Variants in METTL14 observed in about 807,000 individuals in gnomAD.
METTL14 encodes N(6)-adenosine-methyltransferase non-catalytic subunit METTL14.
A neutral mutation model predicts 62.4 loss-of-function variants in METTL14; 32 were observed. That is an observed-to-expected ratio of 0.51 (90% CI 0.39 to 0.69). METTL14 has a LOEUF of 0.69. Ranked by LOEUF, METTL14 falls within the 30% of genes least tolerant of loss-of-function variation. The pLI, the probability that METTL14 is intolerant of heterozygous loss-of-function variation, is 0.00. For synonymous variants in METTL14, 150 were observed against 180.0 expected (o/e 0.83, Z 1.34); for missense variants, 340 against 551.9 (o/e 0.62, Z 3.85).
Position 118,689,471 on chromosome 4 carries a change from G to A in METTL14, c.243+14G>A. Reference sequence around the variant, plus strand: ...GAAGAATATAAGGCAAGTAGAGAGTGAAATAAGTTTATGGTCAAAGAAAAC... The same window carrying A: ...GAAGAATATAAGGCAAGTAGAGAGTAAAATAAGTTTATGGTCAAAGAAAAC... On this transcript the variant is annotated intron_variant, in intron 3 of 10. Transcript: ENST00000388822. 7.0e-7 allele frequency: 1 copy of A among 1,429,692 alleles called. No homozygotes were observed. Among genetic ancestry groups the A allele is most frequent in the Non-Finnish European group, 9.7e-7 (1 of 1,029,666 alleles). 88.6% of individuals were successfully genotyped at this position (1,429,692 alleles called of 1,614,324 possible). A position where few individuals can be genotyped will look rare whatever the true frequency, so the allele number is the denominator to read the frequency against.
At chr4:118,693,043 T>C (rs1724301499) in intron 5 of METTL14, among the ~76,000 whole-genome samples, 1 of 152,216 alleles carries the variant, frequency 6.6e-6, no homozygotes, top group African/African-American at 2.4e-5. Flanking sequence ...CTATTGTATA[T>C]GTTTACCTTT....
Position 118,710,513 on chromosome 4 carries a change from T to C in METTL14, c.*211T>C. ...ATAAATGAATGATTCTGCCTTTTGT[T>C]ATGTGCGTGAACAGAATGGAACAAC... On this transcript the variant is annotated 3_prime_UTR_variant, in exon 11 of 11. Coordinates refer to ENST00000388822, the MANE Select transcript of METTL14 (RefSeq NM_020961.4). 1.8e-6 allele frequency: 1 copy of C among 541,196 alleles called. No individual in the cohort carries two copies. The highest frequency in any genetic ancestry group is 3.1e-5 in the East Asian group (1 of 32,024). The allele number at this position is 541,196 out of a possible 1,614,324, so 33.5% of individuals were successfully genotyped here. A position where few individuals can be genotyped will look rare whatever the true frequency, so the allele number is the denominator to read the frequency against.
chr4:118,693,702 A>G (rs1285442422), intron 5 of METTL14, among the ~76,000 whole-genome samples: 1 of 152,182 alleles, frequency 6.6e-6, no homozygotes, highest in Non-Finnish European at 1.5e-5. Context: ...CCCAAGGCAA[A>G]GAAAACATAC....
At chr4:118,707,926 C>G (rs185311798) in intron 10 of METTL14, among the ~76,000 whole-genome samples, 7 of 151,720 alleles carry the variant, frequency 4.6e-5, no homozygotes, top group African/African-American at 1.7e-4. Flanking sequence ...CCCCGCCTCC[C>G]AGGTTCAAGT....
chr4:118,714,270 C>A lies in METTL14; in HGVS notation c.*3968C>A, dbSNP rs1009953791. ...GTGCTTTTTCTCACTTTGATGAGTTCTCTCAACTCCTTTCTAAGAAAAGCA... is the reference window on the plus strand; with the variant it reads ...GTGCTTTTTCTCACTTTGATGAGTTATCTCAACTCCTTTCTAAGAAAAGCA... On this transcript the variant is annotated 3_prime_UTR_variant, in exon 11 of 11. Coordinates refer to ENST00000388822, the MANE Select transcript of METTL14 (RefSeq NM_020961.4). The A allele has an allele frequency of 9.8e-5, 15 of 152,322 alleles. No individual in the cohort carries two copies. Among genetic ancestry groups the A allele is most frequent in the African/African-American group, 3.4e-4 (14 of 41,580 alleles). The allele number at this position is 152,322 out of a possible 1,614,324, so 9.4% of individuals were successfully genotyped here. A position where few individuals can be genotyped will look rare whatever the true frequency, so the allele number is the denominator to read the frequency against.
In METTL14 at chr4:118,711,184, T is replaced by C. The variant is rs2110413047; in HGVS notation, c.*882T>C. 1.3e-5 allele frequency: 2 copies of C among 152,364 alleles called. No individual in the cohort carries two copies. Among genetic ancestry groups the C allele is most frequent in the Middle Eastern group, 6.8e-3 (2 of 294 alleles). The allele number at this position is 152,364 out of a possible 1,614,324, so 9.4% of individuals were successfully genotyped here. A position where few individuals can be genotyped will look rare whatever the true frequency, so the allele number is the denominator to read the frequency against. On this transcript the variant is annotated 3_prime_UTR_variant, in exon 11 of 11. Transcript: ENST00000388822. ...ATGACATACACCTTTAAACTTGTTA[T>C]GGAGATAGTTTAATGTAAAACCAAC...
intron 5 of METTL14, among the ~76,000 whole-genome samples, chr4:118,693,968 C>G (rs1248851245): frequency 6.6e-6 from 1 of 151,580 alleles, no homozygotes; most frequent in Non-Finnish European, 1.5e-5. Flanking sequence ...AAATGTGCTT[C>G]CTGTTTGGGA....
chr4:118,693,137 C>T (rs998096893), intron 5 of METTL14, among the ~76,000 whole-genome samples: 3 of 152,298 alleles, frequency 2.0e-5, no homozygotes, highest in Non-Finnish European at 4.4e-5. Context: ...AATTTCTTCA[C>T]ATCTTTGGCA....
Position 118,713,127 on chromosome 4 carries a change from G to T in METTL14, c.*2825G>T, listed in dbSNP as rs779821265. On this transcript the variant is annotated 3_prime_UTR_variant, in exon 11 of 11. Transcript: ENST00000388822. ...AGTGTGGCATGGCAACCAACTCACA[G>T]ATCCAGAGTTGAGAGGGATCACTAC... The T allele has an allele frequency of 3.3e-5, 5 of 152,170 alleles. No individual in the cohort carries two copies. Among genetic ancestry groups the T allele is most frequent in the Non-Finnish European group, 5.9e-5 (4 of 68,062 alleles). The allele number at this position is 152,170 out of a possible 1,614,324, so 9.4% of individuals were successfully genotyped here. A position where few individuals can be genotyped will look rare whatever the true frequency, so the allele number is the denominator to read the frequency against.
At position 118,704,011 on chromosome 4, in the gene METTL14, C is replaced by A; in HGVS notation, c.815C>A (p.Thr272Asn). ...IKTNKNNPGK[T>N]KTLDPKAVFQ... ...ACCAATAAAAACAATCCTGGGAAGACTAAGACTTTAGATCCAAAGGCTGTC... is the reference window on the plus strand; with the variant it reads ...ACCAATAAAAACAATCCTGGGAAGAATAAGACTTTAGATCCAAAGGCTGTC... Residue 272 changes from threonine (T) to asparagine (N), a missense_variant, in exon 9 of 11, where the codon ACT (threonine) becomes AAT (asparagine). Coordinates refer to ENST00000388822, the MANE Select transcript of METTL14 (RefSeq NM_020961.4). The A allele has an allele frequency of 6.3e-7, 1 of 1,593,600 alleles. No individual in the cohort carries two copies. Among genetic ancestry groups the A allele is most frequent in the Admixed American group, 1.9e-5 (1 of 53,882 alleles).
chr4:118,694,776 T>C (rs1306010685), intron 6 of METTL14, among the ~76,000 whole-genome samples: 1 of 152,120 alleles, frequency 6.6e-6, no homozygotes, highest in African/African-American at 2.4e-5. Flanking sequence ...CAGCCATCAC[T>C]CCTGGCTCTA....
At chr4:118,703,115 C>T (rs1724653073) in intron 8 of METTL14, among the ~76,000 whole-genome samples, 1 of 152,000 alleles carries the variant, frequency 6.6e-6, no homozygotes, top group Non-Finnish European at 1.5e-5. Context: ...CCCCTAGCCC[C>T]CAACCTGCCT....
intron 3 of METTL14, 154 bp downstream of exon 3, chr4:118,689,611 C>T (rs1466250415): frequency 2.3e-6 from 1 of 444,230 alleles, no homozygotes; most frequent in East Asian, 3.9e-5. Flanking sequence ...ACATTAAGAC[C>T]ATTATATCAG....
chr4:118,699,029 G>A (rs1171582077), intron 7 of METTL14, among the ~76,000 whole-genome samples: 1 of 152,138 alleles, frequency 6.6e-6, no homozygotes, highest in Non-Finnish European at 1.5e-5. Flanking sequence ...AACCAGGAGA[G>A]TATGAATGTA....
intron 10 of METTL14, among the ~76,000 whole-genome samples, chr4:118,706,327 C>T (rs576838252): frequency 6.6e-6 from 1 of 152,332 alleles, no homozygotes; most frequent in South Asian, 2.1e-4. Flanking sequence ...CAGAATGTTA[C>T]ATAGTTGGAA....
At position 118,688,027 on chromosome 4, in the gene METTL14, C is replaced by CTT. The variant is rs746420947; in HGVS notation, c.155+32_155+33dup. 8,399 of 1,284,916 alleles carry CTT rather than the reference C, an allele frequency of 6.5e-3. 2 individuals carry two copies. Among genetic ancestry groups the CTT allele is most frequent in the Non-Finnish European group, 7.1e-3 (6,653 of 932,916 alleles). The allele number at this position is 1,284,916 out of a possible 1,614,324, so 79.6% of individuals were successfully genotyped here. On this transcript the variant is annotated intron_variant, in intron 2 of 10. Coordinates refer to ENST00000388822, the MANE Select transcript of METTL14 (RefSeq NM_020961.4). ...AAACTTGCAGGTCAGTCAGATAATT[C>CTT]TTTTTTTTTTTTTTTTTGAGACAGG...
chr4:118,698,694 A>G (rs1387519293), intron 7 of METTL14, among the ~76,000 whole-genome samples: 1 of 152,138 alleles, frequency 6.6e-6, no homozygotes, highest in Admixed American at 6.6e-5. Context: ...TTGAATTATC[A>G]CCAACTGAGA....
intron 7 of METTL14, 145 bp downstream of exon 7, chr4:118,697,468 T>G: frequency 1.4e-6 from 1 of 700,930 alleles, no homozygotes; most frequent in East Asian, 3.0e-5. Context: ...TAGCTGAAGG[T>G]CCAAGGTACA....
Position 118,696,117 on chromosome 4 carries a change from C to CAAAA in METTL14, c.504-1040_504-1037dup, listed in dbSNP as rs70941201. On this transcript the variant is annotated intron_variant, in intron 6 of 10. Transcript: ENST00000388822. ...CTGGCAACAGAGTGAGACTCTGTCT[C>CAAAA]AAAAAAAAAAAAAAAAAAAAAAAAA... Among the ~76,000 whole-genome samples, 24 of 33,902 alleles carry CAAAA rather than the reference C, an allele frequency of 7.1e-4. 4 individuals carry two copies. In the Middle Eastern group the frequency reaches 0.075, roughly 106 times the overall value. 22.2% of individuals were successfully genotyped at this position (33,902 alleles called of 152,430 possible).
Sources: gnomAD v4.1 joint callset for allele counts (sites outside exome capture counted in the v4.1 genomes callset) on GRCh38, gnomAD v4.1.1 for gene constraint, MANE v1.5 for transcripts, NCBI Gene and HGNC (gene_info 2026-07-23, HGNC 2026-07-21) for gene names.